The following ATP11B variants were observed in gnomAD, a reference collection of about 807,000 sequenced individuals.
ATP11B encodes ATPase phospholipid transporting 11B (putative).
A neutral mutation model predicts 157.8 loss-of-function variants in ATP11B; 81 were observed. The observed-to-expected ratio is 0.51, with a 90% CI of 0.43 to 0.62. ATP11B has a LOEUF of 0.62. ATP11B is among the 20% of genes least tolerant of loss of function. The pLI, the probability that ATP11B is intolerant of heterozygous loss-of-function variation, is 0.00. For missense variants in ATP11B, 1,165 were observed against 1,402.2 expected (o/e 0.83, Z 2.70); for synonymous variants, 451 against 469.4 (o/e 0.96, Z 0.51).
At chr3:182,902,140 C>T (rs1045110919) in intron 28 of ATP11B, among the ~76,000 whole-genome samples, 24 of 151,982 alleles carry the variant, frequency 1.6e-4, no homozygotes, top group African/African-American at 5.6e-4. Flanking sequence ...TATGTCATTC[C>T]TGATTTCAAA....
Position 182,859,297 on chromosome 3 carries a change from CA to C in ATP11B, c.1139del (p.His380LeufsTer15). The C allele has an allele frequency of 6.2e-7, 1 of 1,610,880 alleles. No homozygotes were observed. Among genetic ancestry groups the C allele is most frequent in the Non-Finnish European group, 8.5e-7 (1 of 1,178,340 alleles). On this transcript the variant is annotated frameshift_variant, in exon 12 of 30. Coordinates refer to ENST00000323116, the MANE Select transcript of ATP11B (RefSeq NM_014616.3). LOFTEE classifies it high-confidence loss of function. ...TATTGGCTGGGATCTTGATCTGTAT[CA>C]TGAAGAATCAGATCAGAAAGCTCAA... is the stretch of plus-strand genomic sequence containing the variant. ...FFIGWDLDLY[H>X]EESDQKAQVN...
chr3:182,872,593 C>A, intron 18 of ATP11B, 56 bp downstream of exon 18: 1 of 1,371,356 alleles, frequency 7.3e-7, no homozygotes, highest in Non-Finnish European at 9.9e-7. Context: ...TTTTTGTAAC[C>A]AAGTATTCTA....
At chr3:182,871,870 C>A (rs1056071765) in intron 17 of ATP11B, among the ~76,000 whole-genome samples, 2 of 151,628 alleles carry the variant, frequency 1.3e-5, no homozygotes, top group African/African-American at 2.4e-5. Flanking sequence ...GGCTGGAGTG[C>A]AGTGATGCTA....
At chr3:182,854,605 C>G (rs1720229720) in intron 10 of ATP11B, among the ~76,000 whole-genome samples, 1 of 152,152 alleles carries the variant, frequency 6.6e-6, no homozygotes, top group Non-Finnish European at 1.5e-5. Flanking sequence ...ATAAATTACA[C>G]TTTCTCAAAA....
rs1715955068 is a variant in ATP11B at position 182,800,818 on chromosome 3, T to TC, written c.27+7033dup. Among the ~76,000 whole-genome samples, 4 of 151,426 alleles carry TC rather than the reference T, an allele frequency of 2.6e-5. No individual in the cohort carries two copies. In the South Asian group the frequency reaches 8.4e-4, roughly 32 times the overall value. On this transcript the variant is annotated intron_variant, in intron 1 of 29. Coordinates refer to ENST00000323116, the MANE Select transcript of ATP11B (RefSeq NM_014616.3). Reference sequence around the variant, plus strand: ...TTTTTTTTAAGACAGTCTCGCTTTGTCACCCAGGCTAGAGTGCAGTGGCGC... The same window carrying TC: ...TTTTTTTTAAGACAGTCTCGCTTTGTCCACCCAGGCTAGAGTGCAGTGGCGC...
intron 8 of ATP11B, chr3:182,844,485 A>G (rs1017298498): frequency 8.9e-6 from 7 of 785,040 alleles, no homozygotes; most frequent in Admixed American, 6.2e-5. Context: ...TTATTTTGCT[A>G]TCACTAAGAA....
chr3:182,879,932 A>G (rs1037339541), intron 20 of ATP11B, among the ~76,000 whole-genome samples: 2 of 152,228 alleles, frequency 1.3e-5, no homozygotes, highest in African/African-American at 4.8e-5. Flanking sequence ...CAAGTTAGCT[A>G]CTTAGCGAGT....
At chr3:182,877,810 C>T (rs565920213) in intron 19 of ATP11B, among the ~76,000 whole-genome samples, 1 of 152,096 alleles carries the variant, frequency 6.6e-6, no homozygotes, top group Non-Finnish European at 1.5e-5. Context: ...TAAATGCTAC[C>T]TACGTGCCAG....
At chr3:182,821,140 C>T (rs143358958) in intron 2 of ATP11B, among the ~76,000 whole-genome samples, 1 of 152,030 alleles carries the variant, frequency 6.6e-6, no homozygotes, top group Non-Finnish European at 1.5e-5. Flanking sequence ...GACAGAGTCT[C>T]GCTGTGTCAC....
Position 182,872,148 on chromosome 3 carries a change from G to A in ATP11B, c.1867-208G>A, listed in dbSNP as rs370184449. Among the ~76,000 whole-genome samples, 14 of 152,288 alleles carry A rather than the reference G, an allele frequency of 9.2e-5. No homozygotes were observed. The East Asian group carries it at 2.3e-3, about 25-fold the overall frequency. On this transcript the variant is annotated intron_variant, in intron 17 of 29. Transcript: ENST00000323116. ...GCAACTTCTTAAGAAAACATCAGAA[G>A]TTGAAAGAGGTATATGTGTCCCATA...
At chr3:182,888,031 A>G (rs913963453) in intron 24 of ATP11B, among the ~76,000 whole-genome samples, 1 of 152,216 alleles carries the variant, frequency 6.6e-6, no homozygotes, top group African/African-American at 2.4e-5. Flanking sequence ...GGTAGTCTCT[A>G]GAATTCCTAA....
chr3:182,855,026 A>G (rs1553807004), intron 10 of ATP11B, among the ~76,000 whole-genome samples: 2 of 152,368 alleles, frequency 1.3e-5, no homozygotes, highest in Middle Eastern at 3.4e-3. Flanking sequence ...TGCAATTTCT[A>G]TAAAAATCTC....
intron 28 of ATP11B, chr3:182,906,003 A>G (rs1172254885): frequency 2.8e-6 from 1 of 360,346 alleles, no homozygotes; most frequent in African/African-American, 2.1e-5. Flanking sequence ...CTGACCTGAC[A>G]TTTCCATTTC....
At chr3:182,887,756 A>T (rs747628326) in intron 24 of ATP11B, 43 bp downstream of exon 24, 1 of 1,572,218 alleles carries the variant, frequency 6.4e-7, no homozygotes, top group Non-Finnish European at 8.6e-7. Context: ...AGTTTTTTTA[A>T]GTAAAAAATA....
intron 14 of ATP11B, 62 bp from the exon 15 acceptor site, chr3:182,867,314 G>T: frequency 1.1e-6 from 1 of 940,182 alleles, no homozygotes; most frequent in South Asian, 1.4e-5. Flanking sequence ...AAGCTATAGT[G>T]ACATTGTGAA....
At chr3:182,889,661 C>A in intron 25 of ATP11B, 113 bp downstream of exon 25, 2 of 975,150 alleles carry the variant, frequency 2.1e-6, no homozygotes, top group Admixed American at 3.4e-5. Context: ...TATTAAAATG[C>A]AAATATAAAA....
Position 182,887,897 on chromosome 3 carries a change from C to T in ATP11B, c.2843+184C>T, listed in dbSNP as rs543916086. On this transcript the variant is annotated intron_variant, in intron 24 of 29. Coordinates refer to ENST00000323116, the MANE Select transcript of ATP11B (RefSeq NM_014616.3). ...AAAGAGAAAATTGGAATAATTTTTC[C>T]GGTGTTTTTTTAAGAATGAGCACTT... Among the ~76,000 whole-genome samples the T allele has an allele frequency of 7.9e-5, 12 of 152,006 alleles. 1 individual carries two copies. Among genetic ancestry groups the T allele is most frequent in the South Asian group, 2.1e-4 (1 of 4,814 alleles).
intron 1 of ATP11B, among the ~76,000 whole-genome samples, chr3:182,819,363 G>T (rs1717181515): frequency 6.6e-6 from 1 of 152,062 alleles, no homozygotes; most frequent in Non-Finnish European, 1.5e-5. Context: ...AAGCCAGCGC[G>T]CCCGGCGTCT....
intron 27 of ATP11B, among the ~76,000 whole-genome samples, chr3:182,897,765 A>G (rs912604510): frequency 1.3e-5 from 2 of 152,054 alleles, no homozygotes; most frequent in African/African-American, 4.8e-5. Context: ...GTATTAATGT[A>G]TTATGTGTTA....
Sources: allele counts gnomAD v4.1 joint callset (sites outside exome capture counted in the v4.1 genomes callset), GRCh38; gene constraint gnomAD v4.1.1; transcripts MANE v1.5; gene names NCBI Gene and HGNC (gene_info 2026-07-23, HGNC 2026-07-21).